The following THSD7A variants were observed in gnomAD, a reference collection of about 807,000 sequenced individuals.
THSD7A encodes thrombospondin type-1 domain-containing protein 7A.
Under a neutral mutation model 231.3 loss-of-function variants are expected in THSD7A, and 96 were observed. The ratio of observed to expected loss-of-function variants is 0.41; its 90% CI spans 0.35 to 0.49. The LOEUF (loss-of-function observed/expected upper bound fraction) is 0.49. THSD7A is among the 20% of genes least tolerant of loss of function. The pLI is 0.05. For missense variants in THSD7A, 2,290 were observed against 2,070.2 expected (o/e 1.11, Z -2.06); for synonymous variants, 940 against 743.3 (o/e 1.26, Z -4.30).
At chr7:11,645,704 T>A (rs1782254494) in intron 1 of THSD7A, among the ~76,000 whole-genome samples, 1 of 151,874 alleles carries the variant, frequency 6.6e-6, no homozygotes, top group South Asian at 2.1e-4. Context: ...TATTGTATTT[T>A]ATTGCTATGT....
intron 6 of THSD7A, among the ~76,000 whole-genome samples, chr7:11,525,790 T>A (rs1788448485): frequency 6.6e-6 from 1 of 152,176 alleles, no homozygotes; most frequent in African/African-American, 2.4e-5. Flanking sequence ...TTGGAACAGT[T>A]ATTTTCATTA....
chr7:11,812,716 G>A (rs970915120), intron 1 of THSD7A, among the ~76,000 whole-genome samples: 5 of 152,126 alleles, frequency 3.3e-5, no homozygotes, highest in African/African-American at 1.2e-4. Context: ...CATAACTGGA[G>A]AGTATTTTCC....
At chr7:11,738,619 G>A (rs1781997520) in intron 1 of THSD7A, among the ~76,000 whole-genome samples, 1 of 151,878 alleles carries the variant, frequency 6.6e-6, no homozygotes, top group Non-Finnish European at 1.5e-5. Flanking sequence ...CTTGTGGTAG[G>A]CAGAATAATG....
intron 2 of THSD7A, among the ~76,000 whole-genome samples, chr7:11,611,721 G>A (rs1780928762): frequency 6.7e-6 from 1 of 150,234 alleles, no homozygotes; most frequent in Non-Finnish European, 1.5e-5. Context: ...TGAAAACACA[G>A]GAGTGTTTTG....
At chr7:11,661,931 T>G (rs1782944773) in intron 1 of THSD7A, among the ~76,000 whole-genome samples, 1 of 151,246 alleles carries the variant, frequency 6.6e-6, no homozygotes, top group African/African-American at 2.4e-5. Flanking sequence ...GTGATAGAAT[T>G]ATTAATTTTG....
intron 11 of THSD7A, among the ~76,000 whole-genome samples, chr7:11,453,798 TGAA>T (rs1785219565): frequency 6.6e-6 from 1 of 152,034 alleles, no homozygotes. Context: ...TGATACACAT[TGAA>T]GAAGTAGTTA....
intron 1 of THSD7A, among the ~76,000 whole-genome samples, chr7:11,669,695 A>C (rs114835434): frequency 0.03 from 4,551 of 152,100 alleles, 226 homozygotes; most frequent in African/African-American, 0.1. Flanking sequence ...ATAAATTAAT[A>C]ATTTACATAA....
intron 1 of THSD7A, among the ~76,000 whole-genome samples, chr7:11,657,148 T>C (rs1782741891): frequency 6.6e-6 from 1 of 151,816 alleles, no homozygotes; most frequent in African/African-American, 2.4e-5. Context: ...ATATTGAATA[T>C]GTATACATAG....
At chr7:11,595,864 T>C (rs1319002381) in intron 2 of THSD7A, among the ~76,000 whole-genome samples, 3 of 152,198 alleles carry the variant, frequency 2.0e-5, no homozygotes, top group Non-Finnish European at 4.4e-5. Context: ...CGGGCATAGC[T>C]ATCGTAATGG....
At chr7:11,614,658 T>C (rs948466281) in intron 2 of THSD7A, among the ~76,000 whole-genome samples, 1 of 152,252 alleles carries the variant, frequency 6.6e-6, no homozygotes, top group Admixed American at 6.5e-5. Flanking sequence ...ACTATAGCCT[T>C]GTTATCAATG....
At chr7:11,492,055 G>T (rs921041828) in intron 6 of THSD7A, among the ~76,000 whole-genome samples, 1 of 151,954 alleles carries the variant, frequency 6.6e-6, no homozygotes, top group Non-Finnish European at 1.5e-5. Context: ...ATGATTCTCT[G>T]TGGTTCTCCT....
At chr7:11,420,821 C>T (rs1474354003) in intron 16 of THSD7A, among the ~76,000 whole-genome samples, 1 of 152,184 alleles carries the variant, frequency 6.6e-6, no homozygotes, top group Non-Finnish European at 1.5e-5. Flanking sequence ...GCCTTGGGAA[C>T]CCACCCCTGT....
rs944091853 is a variant in THSD7A at position 11,417,650 on chromosome 7, G to A, written c.3384-47C>T. The stretch of plus-strand genomic sequence containing the variant: ...TTCTAGAAAATATACATACATTCTA[G>A]AAGTAAAGAAAACAGGACAATTAGA... On this transcript the variant is annotated intron_variant, in intron 16 of 27. Transcript: ENST00000423059. 3.2e-6 allele frequency: 5 copies of A among 1,558,952 alleles called. No homozygotes were observed. The African/African-American group carries it at 6.9e-5, about 22-fold the overall frequency.
intron 1 of THSD7A, among the ~76,000 whole-genome samples, chr7:11,692,732 C>T (rs900421886): frequency 6.6e-6 from 1 of 151,508 alleles, no homozygotes; most frequent in African/African-American, 2.4e-5. Context: ...TAACTATAAA[C>T]TCTGGAATTA....
At chr7:11,519,386 T>G (rs1562679209) in intron 6 of THSD7A, among the ~76,000 whole-genome samples, 1 of 151,576 alleles carries the variant, frequency 6.6e-6, no homozygotes, top group South Asian at 2.1e-4. Flanking sequence ...TAGCTTCCTT[T>G]ACATGTATTT....
At chr7:11,643,426 C>T (rs964977859) in intron 1 of THSD7A, among the ~76,000 whole-genome samples, 1 of 151,972 alleles carries the variant, frequency 6.6e-6, no homozygotes, top group African/African-American at 2.4e-5. Flanking sequence ...ATTCCATAAA[C>T]TAAAGATAAC....
intron 12 of THSD7A, 124 bp downstream of exon 12, chr7:11,447,106 A>T (rs1341232346): frequency 2.2e-6 from 2 of 908,110 alleles, no homozygotes; most frequent in Non-Finnish European, 1.6e-6. Context: ...CTAAATTTAA[A>T]ATATACATCT....
intron 6 of THSD7A, among the ~76,000 whole-genome samples, chr7:11,482,347 G>A (rs1786462354): frequency 2.0e-5 from 3 of 152,026 alleles, no homozygotes; most frequent in Admixed American, 2.0e-4. Flanking sequence ...TTCTTTTTTG[G>A]AGATGAGCTA....
chr7:11,424,632 G>A, intron 16 of THSD7A, 64 bp downstream of exon 16: 1 of 1,595,148 alleles, frequency 6.3e-7, no homozygotes, highest in South Asian at 1.1e-5. Context: ...AGTCATGTTG[G>A]CACATGTGCA....
Sources: gnomAD v4.1 joint callset for allele counts (sites outside exome capture counted in the v4.1 genomes callset) on GRCh38, gnomAD v4.1.1 for gene constraint, MANE v1.5 for transcripts, NCBI Gene and HGNC (gene_info 2026-07-23, HGNC 2026-07-21) for gene names.